The following CSMD2 variants were observed in gnomAD, a reference collection of about 807,000 sequenced individuals.
CSMD2 encodes the protein CUB and Sushi multiple domains 2, also known as CUB and sushi domain-containing protein 2.
CSMD2 carries 130 observed loss-of-function variants against 398.5 expected under a neutral mutation model. The ratio of observed to expected loss-of-function variants is 0.33; its 90% CI spans 0.28 to 0.38. CSMD2 has a LOEUF of 0.38. Ranked by LOEUF, CSMD2 falls within the 10% of genes least tolerant of loss-of-function variation. The pLI, the probability that CSMD2 is intolerant of heterozygous loss-of-function variation, is 1.00. For synonymous variants in CSMD2, 1,828 were observed against 1,908.5 expected, an observed-to-expected ratio of 0.96 and a Z score of 1.10; for missense variants, 3,829 against 4,764.9, an observed-to-expected ratio of 0.80 and a Z score of 5.78.
At chr1:33,542,598 G>A (rs561696665) in intron 58 of CSMD2, 122 bp downstream of exon 58, 36 of 816,546 alleles carry the variant, frequency 4.4e-5, no homozygotes, top group Middle Eastern at 3.6e-4. Context: ...TATGATTATC[G>A]TTCAGGTTCA....
At chr1:33,725,687 T>A (rs1646506408) in intron 16 of CSMD2, 151 bp from the exon 17 acceptor site, 1 of 644,158 alleles carries the variant, frequency 1.6e-6, no homozygotes, top group Non-Finnish European at 2.7e-6. Context: ...TCACTAGCGA[T>A]GCAGAAGGAC....
intron 26 of CSMD2, among the ~76,000 whole-genome samples, chr1:33,658,371 A>G (rs1644019734): frequency 6.6e-6 from 1 of 152,036 alleles, no homozygotes; most frequent in Non-Finnish European, 1.5e-5. Flanking sequence ...TATCACCACT[A>G]CCATTCTTCC....
intron 5 of CSMD2, among the ~76,000 whole-genome samples, chr1:33,904,223 C>T (rs762876507): frequency 2.3e-4 from 35 of 152,270 alleles, no homozygotes; most frequent in Non-Finnish European, 5.0e-4. Context: ...AGACAAGGCC[C>T]CCGAGCAGCC....
chr1:33,706,655 G>C (rs1645788106), intron 22 of CSMD2, among the ~76,000 whole-genome samples: 1 of 152,174 alleles, frequency 6.6e-6, no homozygotes, highest in African/African-American at 2.4e-5. Flanking sequence ...CACCACAACA[G>C]AGGGAAAATG....
At chr1:33,526,020 A>G (rs767946249) in intron 65 of CSMD2, among the ~76,000 whole-genome samples, 12 of 152,356 alleles carry the variant, frequency 7.9e-5, no homozygotes, top group Middle Eastern at 3.4e-3. Context: ...TCACAAAAAA[A>G]TGATAATTAG....
At chr1:33,674,766 C>A (rs1043219697) in intron 25 of CSMD2, among the ~76,000 whole-genome samples, 4 of 152,194 alleles carry the variant, frequency 2.6e-5, no homozygotes, top group Non-Finnish European at 5.9e-5. Flanking sequence ...ATCTCTCAGA[C>A]CACAGTGCAA....
At chr1:33,601,343 G>T (rs1421362630) in intron 43 of CSMD2, among the ~76,000 whole-genome samples, 1 of 152,164 alleles carries the variant, frequency 6.6e-6, no homozygotes, top group Non-Finnish European at 1.5e-5. Flanking sequence ...CTAGGACAGG[G>T]CTGAGGAGCT....
At chr1:33,916,975 A>G (rs1458232801) in intron 5 of CSMD2, among the ~76,000 whole-genome samples, 1 of 151,042 alleles carries the variant, frequency 6.6e-6, no homozygotes, top group Non-Finnish European at 1.5e-5. Context: ...CCCTACTCCC[A>G]CTGACTGCCA....
chr1:34,004,327 C>T (rs760926977), intron 3 of CSMD2, among the ~76,000 whole-genome samples: 5 of 152,150 alleles, frequency 3.3e-5, no homozygotes, highest in South Asian at 2.1e-4. Context: ...GATTCCCTTT[C>T]GTGTTAAAAT....
In CSMD2 at chr1:33,947,662, C is replaced by T. The variant is rs561597099; in HGVS notation, c.518-11708G>A. Among the ~76,000 whole-genome samples the T allele has an allele frequency of 3.9e-5, 6 of 152,314 alleles. No homozygotes were observed. The East Asian group carries it at 1.2e-3, about 29-fold the overall frequency. Reference sequence around the variant, plus strand: ...AGAGGCGTCTGACCACCATCAACCACCTTCTGCAAATGATGGTGAACAGGG... The same window carrying T: ...AGAGGCGTCTGACCACCATCAACCATCTTCTGCAAATGATGGTGAACAGGG... On this transcript the variant is annotated intron_variant, in intron 3 of 70. Coordinates refer to ENST00000373381, the MANE Select transcript of CSMD2 (RefSeq NM_001281956.2).
intron 15 of CSMD2, among the ~76,000 whole-genome samples, chr1:33,727,109 C>T (rs761164553): frequency 9.8e-5 from 15 of 152,300 alleles, no homozygotes; most frequent in Admixed American, 2.0e-4. Context: ...CTCAGGGTGC[C>T]GGTACTCCCT....
intron 53 of CSMD2, among the ~76,000 whole-genome samples, chr1:33,566,323 CA>C (rs992147648): frequency 3.4e-5 from 5 of 148,846 alleles, no homozygotes; most frequent in Admixed American, 3.3e-4. Context: ...AAAAAACAAC[CA>C]AATAACCTAT....
chr1:33,753,542 G>A (rs1385857708), intron 13 of CSMD2, among the ~76,000 whole-genome samples: 2 of 152,224 alleles, frequency 1.3e-5, no homozygotes, highest in East Asian at 3.9e-4. Context: ...GCAATGTGGG[G>A]TTGGAACCCC....
chr1:33,795,046 A>C (rs1442538180), intron 10 of CSMD2, among the ~76,000 whole-genome samples: 1 of 98,860 alleles, frequency 1.0e-5, no homozygotes. Flanking sequence ...GTATGGACCT[A>C]TAGCAAGGTC....
At chr1:33,581,529 C>CAAAAAAAAAAAAAAAAAAAAAAAAAAA (rs59068586) in intron 47 of CSMD2, among the ~76,000 whole-genome samples, 1 of 36,876 alleles carries the variant, frequency 2.7e-5, no homozygotes, top group African/African-American at 1.0e-4. Context: ...GACTCAGTCT[C>CAAAAAAAAAAAAAAAAAAAAAAAAAAA]AAAAAAAAAA....
intron 3 of CSMD2, among the ~76,000 whole-genome samples, chr1:33,972,835 A>C (rs529053411): frequency 6.6e-6 from 1 of 152,310 alleles, no homozygotes; most frequent in Non-Finnish European, 1.5e-5. Context: ...GGAAACCAAC[A>C]CACAGACCAC....
chr1:33,780,203 C>T (rs2149347362), intron 12 of CSMD2, among the ~76,000 whole-genome samples: 1 of 152,302 alleles, frequency 6.6e-6, no homozygotes, highest in East Asian at 1.9e-4. Flanking sequence ...ACTAAGTGCT[C>T]AGACCTGTTG....
intron 3 of CSMD2, among the ~76,000 whole-genome samples, chr1:33,986,423 G>A (rs1207525596): frequency 1.3e-5 from 2 of 152,160 alleles, no homozygotes; most frequent in Admixed American, 6.5e-5. Context: ...TAGAAGGGAT[G>A]TATCCTTGCC....
intron 1 of CSMD2, among the ~76,000 whole-genome samples, chr1:34,089,506 T>G (rs1558366948): frequency 6.6e-6 from 1 of 152,212 alleles, no homozygotes; most frequent in South Asian, 2.1e-4. Context: ...GAACTCAGAC[T>G]TCCCCTCTAC....
Sources: gnomAD v4.1 joint callset for allele counts (sites outside exome capture counted in the v4.1 genomes callset) on GRCh38, gnomAD v4.1.1 for gene constraint, MANE v1.5 for transcripts, NCBI Gene and HGNC (gene_info 2026-07-23, HGNC 2026-07-21) for gene names.